AGBL5: variants seen among roughly 807,000 people sequenced by gnomAD.
AGBL5 encodes cytosolic carboxypeptidase-like protein 5.
A neutral mutation model predicts 88.0 loss-of-function variants in AGBL5; 51 were observed. The observed-to-expected ratio is 0.58, with a 90% CI of 0.46 to 0.73. The LOEUF is 0.73. Among genes scored for constraint, AGBL5 ranks in the 30% least tolerant of loss-of-function variants. The probability of loss-of-function intolerance (pLI) is 0.00; values close to 1 mark genes in which losing one functional copy is unlikely to be tolerated. For synonymous variants in AGBL5, 446 were observed against 438.8 expected, an observed-to-expected ratio of 1.02 and a Z score of -0.21; for missense variants, 1,031 against 1,162.2, an observed-to-expected ratio of 0.89 and a Z score of 1.64.
intron 12 of AGBL5, 60 bp from the exon 13 acceptor site, chr2:27,068,572 T>C: frequency 6.7e-7 from 1 of 1,489,634 alleles, no homozygotes; most frequent in Admixed American, 1.8e-5. Flanking sequence ...CCCTGATCCT[T>C]TGGAAGTTAC....
chr2:27,051,210 A>G (rs566869798), upstream of AGBL5, among the ~76,000 whole-genome samples: 5 of 152,340 alleles, frequency 3.3e-5, no homozygotes, highest in Admixed American at 3.3e-4. Flanking sequence ...ACTAAGCAGC[A>G]GGCGGGGGAT....
intron 11 of AGBL5, among the ~76,000 whole-genome samples, chr2:27,067,094 A>C (rs955479572): frequency 2.1e-5 from 3 of 142,448 alleles, no homozygotes; most frequent in African/African-American, 8.5e-5. Context: ...AAAACAAAAC[A>C]AAAAAAAAAT....
chr2:27,069,224 C>A (rs1012077841), intron 13 of AGBL5: 14 of 1,352,560 alleles, frequency 1.0e-5, no homozygotes, highest in Non-Finnish European at 1.4e-5. Flanking sequence ...ACTGCTCTGG[C>A]AGGGGCTAAA....
Position 27,053,198 on chromosome 2 carries a change from GA to G in AGBL5, c.215+30del. 7 of 1,557,420 alleles carry G rather than the reference GA, an allele frequency of 4.5e-6. No homozygotes were observed. Among genetic ancestry groups the G allele is most frequent in the Admixed American group, 1.8e-5 (1 of 54,210 alleles). ...GGTATATGGAACGAAATGGAGGGTG[GA>G]AAAAGGCTCCAAACCCATGCTTCAG... On this transcript the variant is annotated intron_variant, in intron 2 of 14. Coordinates refer to ENST00000360131, the MANE Select transcript of AGBL5 (RefSeq NM_021831.6). This position sits in a 1 kb window ranked among gnomAD's most constrained non-coding sequence, Gnocchi z 4.9.
intron 11 of AGBL5, among the ~76,000 whole-genome samples, chr2:27,065,828 CCA>C (rs1039052387): frequency 2.0e-5 from 3 of 152,152 alleles, no homozygotes; most frequent in African/African-American, 7.2e-5. Flanking sequence ...TCCAGAGGAA[CCA>C]CACACAACTA....
At chr2:27,067,262 A>C (rs1669034733) in intron 11 of AGBL5, among the ~76,000 whole-genome samples, 1 of 151,580 alleles carries the variant, frequency 6.6e-6, no homozygotes. Context: ...TAAAAAAAAA[A>C]AAAAAAAAAA....
At position 27,053,194 on chromosome 2, in the gene AGBL5, G is replaced by A. The variant is rs758968330; in HGVS notation, c.215+21G>A. The A allele has an allele frequency of 1.3e-6, 2 of 1,558,554 alleles. No individual in the cohort carries two copies. The highest frequency in any genetic ancestry group is 1.4e-5 in the African/African-American group (1 of 73,620). On this transcript the variant is annotated intron_variant, in intron 2 of 14. Coordinates refer to ENST00000360131, the MANE Select transcript of AGBL5 (RefSeq NM_021831.6). The surrounding 1 kb of genome is among the most constrained non-coding windows in gnomAD (Gnocchi z 4.9). ...AACAGGTATATGGAACGAAATGGAGGGTGGAAAAAGGCTCCAAACCCATGC... is the reference window on the plus strand; with the variant it reads ...AACAGGTATATGGAACGAAATGGAGAGTGGAAAAAGGCTCCAAACCCATGC...
chr2:27,058,499 G>A lies in AGBL5; in HGVS notation c.1771G>A (p.Ala591Thr), dbSNP rs373365531. The A allele has an allele frequency of 5.0e-5, 81 of 1,614,078 alleles. No individual in the cohort carries two copies. The highest frequency in any genetic ancestry group is 2.8e-4 in the Admixed American group (17 of 59,998). ...GCACAGCAGCCTTACTAATCTACGG[G>A]CCTGGATGCTGAAACATGTACGCAA... Reference protein sequence around the residue: ...SEHSSLTNLRAWMLKHVRNSR... With the variant: ...SEHSSLTNLRTWMLKHVRNSR... The change falls in exon 10 of 15, where the codon GCC becomes ACC. Residue 591 changes from alanine to threonine, a missense_variant. By Grantham distance (58) the Ala-to-Thr change is moderately conservative. Transcript: ENST00000360131.
intron 12 of AGBL5, 86 bp downstream of exon 12, chr2:27,067,732 G>GTTCTTTAA (rs779340052): frequency 1.6e-4 from 243 of 1,482,838 alleles, no homozygotes; most frequent in Non-Finnish European, 2.2e-4. Context: ...GGGAGACCAG[G>GTTCTTTAA]GGCATCACTT....
chr2:27,068,193 A>G (rs35874715), intron 12 of AGBL5, among the ~76,000 whole-genome samples: 10,044 of 152,246 alleles, frequency 0.066, 429 homozygotes, highest in East Asian at 0.16. Flanking sequence ...ACTCTCCTCA[A>G]TGGGTAGCAC....
chr2:27,056,547 C>T (rs987333044), intron 7 of AGBL5, 76 bp from the exon 8 acceptor site: 7 of 1,321,812 alleles, frequency 5.3e-6, no homozygotes, highest in African/African-American at 4.4e-5. Flanking sequence ...GTCACATGGT[C>T]ACATACTTGC....
In AGBL5 at chr2:27,053,383, C is replaced by G. The variant is rs778051697; in HGVS notation, c.216-19C>G. ...AACCCTTCCACACGTAATGACCTCT[C>G]TCTTACTCTGGTCCTCAGGTCATGG... On this transcript the variant is annotated intron_variant, in intron 2 of 14. Coordinates refer to ENST00000360131, the MANE Select transcript of AGBL5 (RefSeq NM_021831.6). The surrounding 1 kb of genome is among the most constrained non-coding windows in gnomAD (Gnocchi z 4.9). The G allele has an allele frequency of 6.2e-7, 1 of 1,612,876 alleles. No individual in the cohort carries two copies. Among genetic ancestry groups the G allele is most frequent in the Non-Finnish European group, 8.5e-7 (1 of 1,179,354 alleles).
chr2:27,068,491 C>T, intron 12 of AGBL5, 141 bp from the exon 13 acceptor site: 1 of 659,174 alleles, frequency 1.5e-6, no homozygotes, highest in Non-Finnish European at 2.6e-6. Context: ...AAACATCCTA[C>T]AATGCACAAG....
chr2:27,062,044 C>T lies in AGBL5; in HGVS notation c.2089+2640C>T, dbSNP rs545625448. 1.4e-4 allele frequency among the ~76,000 whole-genome samples: 21 copies of T among 151,850 alleles called. No individual in the cohort carries two copies. In the East Asian group the frequency reaches 1.5e-3, roughly 11 times the overall value. ...CGCTAGGCTGGTCTTGAACTCCTGA[C>T]CTCAGGCGGATTCACCCGCCTCAGC... On this transcript the variant is annotated intron_variant, in intron 11 of 14. Coordinates refer to ENST00000360131, the MANE Select transcript of AGBL5 (RefSeq NM_021831.6).
chr2:27,051,299 G>C (rs1022439753), upstream of AGBL5: 1 of 152,332 alleles, frequency 6.6e-6, no homozygotes. Flanking sequence ...CAGCTTTTGC[G>C]TCCGTCACAC....
chr2:27,059,439 C>T lies in AGBL5; in HGVS notation c.2089+35C>T, dbSNP rs780119171. 40 of 1,612,392 alleles carry T rather than the reference C, an allele frequency of 2.5e-5. No homozygotes were observed. The Admixed American group carries it at 2.8e-4, about 11-fold the overall frequency. On this transcript the variant is annotated intron_variant, in intron 11 of 14. Coordinates refer to ENST00000360131, the MANE Select transcript of AGBL5 (RefSeq NM_021831.6). ...TCTGGGAGCCCCTGCAACATGTGTT[C>T]GGTTGTCTGGGGCATTGCTGGGGGA...
intron 11 of AGBL5, chr2:27,061,826 T>C (rs1668730888): frequency 6.6e-6 from 1 of 152,096 alleles, no homozygotes; most frequent in South Asian, 2.1e-4. Context: ...TTTTTTTTTT[T>C]TATTTGAGAT....
rs113809750 is a variant in AGBL5 at position 27,055,928 on chromosome 2, C to T, written c.1155C>T (p.Asn385=). ...AQCGHSADRH[N]AEAWKQTEPA... ...GTGGGCACTCAGCTGACAGGCATAA[C>T]GCTGAAGCCTGGAAACAAACAGAGC... The change falls in exon 7 of 15, where the codon AAC becomes AAT. Residue 385 remains asparagine, a synonymous_variant. Coordinates refer to ENST00000360131, the MANE Select transcript of AGBL5 (RefSeq NM_021831.6). The T allele has an allele frequency of 3.0e-5, 49 of 1,614,068 alleles. 1 individual carries two copies. Among genetic ancestry groups the T allele is most frequent in the African/African-American group, 2.1e-4 (16 of 74,916 alleles).
At chr2:27,052,232 C>G (rs1668194103) in intron 1 of AGBL5, 1 of 152,500 alleles carries the variant, frequency 6.6e-6, no homozygotes, top group Non-Finnish European at 1.5e-5. Context: ...GGGATGGAAA[C>G]AGACCCATGC....
Sources: allele counts gnomAD v4.1 joint callset (sites outside exome capture counted in the v4.1 genomes callset), GRCh38; gene constraint gnomAD v4.1.1; non-coding constraint Gnocchi (gnomAD v3.1); transcripts MANE v1.5; gene names NCBI Gene and HGNC (gene_info 2026-07-23, HGNC 2026-07-21).